KCNAB1: variants seen among roughly 807,000 people sequenced by gnomAD.
KCNAB1 encodes voltage-gated potassium channel subunit beta-1.
Under a neutral mutation model 64.6 loss-of-function variants are expected in KCNAB1, and 35 were observed. The ratio of observed to expected loss-of-function variants is 0.54; its 90% CI spans 0.41 to 0.72. The LOEUF (loss-of-function observed/expected upper bound fraction) is 0.72. Ranked by LOEUF, KCNAB1 falls within the 30% of genes least tolerant of loss-of-function variation. The pLI is 0.00. For missense variants in KCNAB1, 401 were observed against 512.9 expected (o/e 0.78, Z 2.11); for synonymous variants, 177 against 183.8 (o/e 0.96, Z 0.30).
intron 1 of KCNAB1, among the ~76,000 whole-genome samples, chr3:156,223,835 C>A (rs1043587242): frequency 1.3e-5 from 2 of 152,240 alleles, no homozygotes; most frequent in African/African-American, 4.8e-5. Context: ...GACTCAGGAG[C>A]CCAGCTGGCT....
rs1218726029 is a variant in KCNAB1, at chr3:156,292,265, G to C, written c.276-129351G>C. 7.4e-6 allele frequency: 7 copies of C among 948,640 alleles called. No homozygotes were observed. The East Asian group carries it at 1.8e-4, about 25-fold the overall frequency. 58.8% of individuals were successfully genotyped at this position (948,640 alleles called of 1,614,324 possible). A position where few individuals can be genotyped will look rare whatever the true frequency, so the allele number is the denominator to read the frequency against. On this transcript the variant is annotated intron_variant, in intron 1 of 13. Coordinates refer to ENST00000490337, the MANE Select transcript of KCNAB1 (RefSeq NM_172160.3). ...AGAATTCTCAGGTGGTTCTAAAATAGCTCTTTAGGGGGATGAATAAACCCA... is the reference window on the plus strand; with the variant it reads ...AGAATTCTCAGGTGGTTCTAAAATACCTCTTTAGGGGGATGAATAAACCCA...
chr3:156,369,372 G>T (rs1375521582), intron 1 of KCNAB1, among the ~76,000 whole-genome samples: 1 of 152,006 alleles, frequency 6.6e-6, no homozygotes, highest in African/African-American at 2.4e-5. Context: ...TTCCAGTTTG[G>T]GGTTATTATA....
intron 1 of KCNAB1, among the ~76,000 whole-genome samples, chr3:156,397,748 A>T (rs745548016): frequency 3.3e-5 from 5 of 152,154 alleles, no homozygotes; most frequent in Admixed American, 6.5e-5. Flanking sequence ...TTTGTTCCTT[A>T]TATCCATTCT....
chr3:156,474,152 A>G (rs1322856662), intron 7 of KCNAB1, among the ~76,000 whole-genome samples: 1 of 152,142 alleles, frequency 6.6e-6, no homozygotes, highest in East Asian at 1.9e-4. Flanking sequence ...GAGCTCAGCT[A>G]TATTTTATGT....
At chr3:156,189,748 T>C (rs1231972456) in intron 1 of KCNAB1, among the ~76,000 whole-genome samples, 1 of 152,210 alleles carries the variant, frequency 6.6e-6, no homozygotes, top group Non-Finnish European at 1.5e-5. Flanking sequence ...TTTATACTTT[T>C]CAGACACAGG....
chr3:156,530,840 A>G (rs1718654843), intron 12 of KCNAB1, among the ~76,000 whole-genome samples: 1 of 152,186 alleles, frequency 6.6e-6, no homozygotes, highest in South Asian at 2.1e-4. Flanking sequence ...AAATGAGACC[A>G]TGAATACAGT....
chr3:156,244,217 A>G (rs1170374524), intron 1 of KCNAB1, among the ~76,000 whole-genome samples: 1 of 152,164 alleles, frequency 6.6e-6, no homozygotes, highest in Non-Finnish European at 1.5e-5. Context: ...CCACTTCCTT[A>G]CTTTTTCCAG....
chr3:156,482,448 T>C (rs1714890475), intron 8 of KCNAB1, among the ~76,000 whole-genome samples: 1 of 148,574 alleles, frequency 6.7e-6, no homozygotes, highest in Admixed American at 6.8e-5. Context: ...TTACATTAGA[T>C]GGTGATAATA....
intron 1 of KCNAB1, among the ~76,000 whole-genome samples, chr3:156,363,455 C>T (rs1222405529): frequency 2.6e-5 from 4 of 151,096 alleles, no homozygotes; most frequent in Non-Finnish European, 4.4e-5. Context: ...TGTAAGACAT[C>T]TGCAAATTCT....
At chr3:156,445,004 A>G (rs1421560824) in intron 2 of KCNAB1, among the ~76,000 whole-genome samples, 1 of 152,196 alleles carries the variant, frequency 6.6e-6, no homozygotes. Context: ...TCAGGGTGTA[A>G]AGAAAAGGAT....
chr3:156,194,433 C>T (rs1323036624), intron 1 of KCNAB1, among the ~76,000 whole-genome samples: 1 of 152,050 alleles, frequency 6.6e-6, no homozygotes, highest in African/African-American at 2.4e-5. Context: ...TGTAATAAAT[C>T]TATTCTCATT....
chr3:156,141,549 A>G (rs983168059), intron 1 of KCNAB1, among the ~76,000 whole-genome samples: 1 of 150,976 alleles, frequency 6.6e-6, no homozygotes, highest in Non-Finnish European at 1.5e-5. Context: ...TTTTTCCCAC[A>G]CTCAGCGTAA....
At chr3:156,123,049 G>A (rs1713444052) in intron 1 of KCNAB1, among the ~76,000 whole-genome samples, 1 of 152,196 alleles carries the variant, frequency 6.6e-6, no homozygotes, top group Non-Finnish European at 1.5e-5. Context: ...ATTTGTAAAT[G>A]TCAGCCGTTG....
intron 1 of KCNAB1, among the ~76,000 whole-genome samples, chr3:156,214,366 A>G (rs1306574904): frequency 6.6e-6 from 1 of 152,100 alleles, no homozygotes; most frequent in Non-Finnish European, 1.5e-5. Flanking sequence ...CTGGGGGTCT[A>G]TGCTAATTGC....
intron 1 of KCNAB1, among the ~76,000 whole-genome samples, chr3:156,154,021 T>C (rs1715569426): frequency 6.6e-6 from 1 of 152,212 alleles, no homozygotes; most frequent in African/African-American, 2.4e-5. Context: ...CTAAGTAACA[T>C]AGATTTCTCA....
At chr3:156,354,142 A>ATATATG (rs1491445238) in intron 1 of KCNAB1, among the ~76,000 whole-genome samples, 28 of 123,152 alleles carry the variant, frequency 2.3e-4, no homozygotes, top group East Asian at 6.4e-4. Flanking sequence ...ATATATATAT[A>ATATATG]TGTGTATATA....
intron 8 of KCNAB1, among the ~76,000 whole-genome samples, chr3:156,484,154 CT>C (rs1388045982): frequency 1.3e-5 from 2 of 151,884 alleles, no homozygotes; most frequent in Non-Finnish European, 1.5e-5. Flanking sequence ...CCTCCCCCAC[CT>C]TTTTTTTCTT....
chr3:156,381,405 G>A (rs1483270682), intron 1 of KCNAB1, among the ~76,000 whole-genome samples: 2 of 152,214 alleles, frequency 1.3e-5, no homozygotes, highest in African/African-American at 2.4e-5. Flanking sequence ...ATTAGGAAGT[G>A]AGCCAGGGCC....
Position 156,197,928 on chromosome 3 carries a change from T to A in KCNAB1, c.275+77042T>A, listed in dbSNP as rs142233629. On this transcript the variant is annotated intron_variant, in intron 1 of 13. Coordinates refer to ENST00000490337, the MANE Select transcript of KCNAB1 (RefSeq NM_172160.3). Reference sequence around the variant, plus strand: ...CTCGCTTTCTGATCTGGGCATTTAGTGCTATATATTTCCGTCTTAACACTG... The same window carrying A: ...CTCGCTTTCTGATCTGGGCATTTAGAGCTATATATTTCCGTCTTAACACTG... Among the ~76,000 whole-genome samples, 30 of 152,338 alleles carry A rather than the reference T, an allele frequency of 2.0e-4. No individual in the cohort carries two copies. In the East Asian group the frequency reaches 5.4e-3, roughly 27 times the overall value.
Sources: allele counts gnomAD v4.1 joint callset (sites outside exome capture counted in the v4.1 genomes callset), GRCh38; gene constraint gnomAD v4.1.1; transcripts MANE v1.5; gene names NCBI Gene and HGNC (gene_info 2026-07-23, HGNC 2026-07-21).